Variants in SGCD observed in about 807,000 individuals in gnomAD.
SGCD encodes sarcoglycan delta.
Under a neutral mutation model 36.6 loss-of-function variants are expected in SGCD, and 18 were observed. The ratio of observed to expected loss-of-function variants is 0.49; its 90% confidence interval spans 0.34 to 0.73. The LOEUF is 0.73. Among genes scored for constraint, SGCD ranks in the 30% least tolerant of loss-of-function variants. The pLI is 0.01. For missense variants in SGCD, 387 were observed against 346.7 expected, an observed-to-expected ratio of 1.12 and a Z score of -0.92; for synonymous variants, 133 against 130.6, an observed-to-expected ratio of 1.02 and a Z score of -0.12.
chr5:156,307,617 A>T (rs559842871), intron 3 of SGCD, among the ~76,000 whole-genome samples: 99 of 86,956 alleles, frequency 1.1e-3, no homozygotes, highest in African/African-American at 4.3e-3. Context: ...TTTGTGTTTA[A>T]CTGATTTTTT....
intron 7 of SGCD, among the ~76,000 whole-genome samples, chr5:156,647,941 G>T (rs1444970222): frequency 6.6e-6 from 1 of 152,076 alleles, no homozygotes; most frequent in African/African-American, 2.4e-5. Flanking sequence ...TATTACTTGG[G>T]GTGGTATGGT....
intron 4 of SGCD, among the ~76,000 whole-genome samples, chr5:156,510,746 T>C (rs1273964891): frequency 6.6e-6 from 1 of 152,184 alleles, no homozygotes; most frequent in Non-Finnish European, 1.5e-5. Context: ...ATAAATGCTC[T>C]TATGAGACTG....
intron 4 of SGCD, among the ~76,000 whole-genome samples, chr5:156,540,620 T>C (rs1428864994): frequency 6.6e-6 from 1 of 152,214 alleles, no homozygotes; most frequent in Non-Finnish European, 1.5e-5. Context: ...AAACTTGTCA[T>C]TAATTTAACA....
intron 1 of SGCD, among the ~76,000 whole-genome samples, chr5:156,013,995 T>A (rs1282129854): frequency 6.6e-6 from 1 of 152,098 alleles, no homozygotes; most frequent in East Asian, 1.9e-4. Flanking sequence ...GGGATGCAGC[T>A]TACTTTTTTT....
chr5:156,086,067 A>G (rs1468015026), intron 1 of SGCD, among the ~76,000 whole-genome samples: 1 of 152,238 alleles, frequency 6.6e-6, no homozygotes, highest in Non-Finnish European at 1.5e-5. Flanking sequence ...TTTCTCTGGC[A>G]AAAATAAACT....
intron 4 of SGCD, among the ~76,000 whole-genome samples, chr5:156,515,297 C>T (rs1757110335): frequency 1.3e-5 from 2 of 152,134 alleles, no homozygotes; most frequent in Admixed American, 6.5e-5. Context: ...ATGACGTTTT[C>T]ACTCATTTTA....
intron 1 of SGCD, among the ~76,000 whole-genome samples, chr5:155,883,353 T>C (rs1429177680): frequency 1.3e-5 from 2 of 152,236 alleles, no homozygotes; most frequent in East Asian, 3.8e-4. Flanking sequence ...TTGGCCCATT[T>C]TGGCTTTCTA....
chr5:156,411,798 T>C (rs564218606), intron 3 of SGCD, among the ~76,000 whole-genome samples: 1 of 152,198 alleles, frequency 6.6e-6, no homozygotes, highest in Non-Finnish European at 1.5e-5. Context: ...ACTTTGTAAA[T>C]AACTTCTCAG....
At chr5:156,562,487 G>A (rs1463770444) in intron 4 of SGCD, among the ~76,000 whole-genome samples, 2 of 152,122 alleles carry the variant, frequency 1.3e-5, no homozygotes, top group Non-Finnish European at 2.9e-5. Context: ...ATGACCCAGG[G>A]GACTGCAGCA....
intron 6 of SGCD, among the ~76,000 whole-genome samples, chr5:156,619,813 A>G (rs1428756860): frequency 2.0e-5 from 3 of 152,206 alleles, no homozygotes; most frequent in Admixed American, 2.0e-4. Flanking sequence ...TGATTGGGAG[A>G]AAAGAGTACT....
At chr5:156,217,017 G>T (rs1190378862) in intron 3 of SGCD, among the ~76,000 whole-genome samples, 2 of 152,214 alleles carry the variant, frequency 1.3e-5, no homozygotes, top group Non-Finnish European at 2.9e-5. Flanking sequence ...GGCGGAGGTT[G>T]CAGTGAGCCC....
chr5:156,493,318 A>G (rs1261642488), intron 3 of SGCD, among the ~76,000 whole-genome samples: 1 of 152,186 alleles, frequency 6.6e-6, no homozygotes, highest in Non-Finnish European at 1.5e-5. Flanking sequence ...TATAGTCATC[A>G]TGTACAATGC....
chr5:156,351,824 C>T (rs1769273738), intron 3 of SGCD, among the ~76,000 whole-genome samples: 2 of 152,078 alleles, frequency 1.3e-5, no homozygotes, highest in South Asian at 4.1e-4. Flanking sequence ...GATTCGAACC[C>T]AAGCAGTCTG....
At chr5:155,969,587 C>G (rs142194702) in intron 1 of SGCD, among the ~76,000 whole-genome samples, 5 of 152,086 alleles carry the variant, frequency 3.3e-5, no homozygotes, top group Admixed American at 3.3e-4. Flanking sequence ...GAGAATAACA[C>G]GCAGAATATT....
the SGCD span, among the ~76,000 whole-genome samples, chr5:155,770,814 C>T: frequency 6.6e-6 from 1 of 151,994 alleles, no homozygotes; most frequent in East Asian, 1.9e-4. Context: ...GTTTTTATCC[C>T]GCAAGCTCGA....
intron 1 of SGCD, among the ~76,000 whole-genome samples, chr5:156,116,661 C>A (rs1204245298): frequency 6.6e-6 from 1 of 152,104 alleles, no homozygotes; most frequent in Non-Finnish European, 1.5e-5. Flanking sequence ...ACCCTGGACT[C>A]AAGACTCTCC....
At chr5:156,685,680 G>A (rs905473541) in intron 7 of SGCD, among the ~76,000 whole-genome samples, 2 of 152,168 alleles carry the variant, frequency 1.3e-5, no homozygotes, top group African/African-American at 4.8e-5. Flanking sequence ...AGTACAGTTG[G>A]GGAGATAATG....
chr5:156,354,424 A>G (rs1769404793), intron 3 of SGCD, among the ~76,000 whole-genome samples: 1 of 152,204 alleles, frequency 6.6e-6, no homozygotes, highest in African/African-American at 2.4e-5. Context: ...AGTAAAGTCA[A>G]AAAGGCTGCA....
intron 4 of SGCD, among the ~76,000 whole-genome samples, chr5:156,565,415 C>A (rs902339784): frequency 1.3e-5 from 2 of 152,134 alleles, no homozygotes; most frequent in African/African-American, 4.8e-5. Flanking sequence ...CAACTCATAT[C>A]ATAGACCTGT....
Sources: allele counts gnomAD v4.1 joint callset (sites outside exome capture counted in the v4.1 genomes callset), GRCh38; gene constraint gnomAD v4.1.1; transcripts MANE v1.5; gene names NCBI Gene and HGNC (gene_info 2026-07-23, HGNC 2026-07-21).